ARHGAP26: variants seen among roughly 807,000 people sequenced by gnomAD.
ARHGAP26 encodes rho GTPase-activating protein 26.
ARHGAP26 carries 38 observed loss-of-function variants against 104.8 expected under a neutral mutation model. The ratio of observed to expected loss-of-function variants is 0.36; its 90% confidence interval spans 0.28 to 0.48. ARHGAP26 has a LOEUF of 0.48. ARHGAP26 is among the 20% of genes least tolerant of loss of function. The probability of loss-of-function intolerance (pLI) is 0.99; values close to 1 mark genes in which losing one functional copy is unlikely to be tolerated. For missense variants in ARHGAP26, 704 were observed against 947.9 expected (o/e 0.74, Z 3.38); for synonymous variants, 341 against 340.0 (o/e 1.00, Z -0.03).
intron 11 of ARHGAP26, among the ~76,000 whole-genome samples, chr5:142,978,883 C>G (rs1773518930): frequency 6.6e-6 from 1 of 151,828 alleles, no homozygotes; most frequent in South Asian, 2.1e-4. Context: ...GACACTTTAC[C>G]ACATTTATTT....
intron 1 of ARHGAP26, among the ~76,000 whole-genome samples, chr5:142,787,570 A>G (rs777915461): frequency 6.6e-6 from 1 of 152,218 alleles, no homozygotes. Context: ...CCCACAGCTG[A>G]CAAAGCCACT....
chr5:143,133,466 T>C (rs1378164349), intron 18 of ARHGAP26, among the ~76,000 whole-genome samples: 2 of 152,180 alleles, frequency 1.3e-5, no homozygotes, highest in East Asian at 1.9e-4. Flanking sequence ...TTGATGAGGA[T>C]TGGGAAATGG....
At chr5:142,789,945 A>T (rs924578535) in intron 1 of ARHGAP26, among the ~76,000 whole-genome samples, 11 of 152,242 alleles carry the variant, frequency 7.2e-5, no homozygotes, top group Non-Finnish European at 1.5e-4. Context: ...CGATTGCCCT[A>T]GAAAGGAATC....
At position 142,816,090 on chromosome 5, in the gene ARHGAP26, G is replaced by A. The variant is rs1467976329; in HGVS notation, c.154+45175G>A. On this transcript the variant is annotated intron_variant, in intron 1 of 22. Coordinates refer to ENST00000645722, the MANE Select transcript of ARHGAP26 (RefSeq NM_001135608.3). ...TGGGATTACAGGTGTGAACCATGGT[G>A]TCCAGCCCCTCTGTGCTTCTGTAGG... Among the ~76,000 whole-genome samples, 3 of 152,178 alleles carry A rather than the reference G, an allele frequency of 2.0e-5. No homozygotes were observed. In the East Asian group the frequency reaches 5.8e-4, roughly 29 times the overall value.
At position 142,871,684 on chromosome 5, in the gene ARHGAP26, T is replaced by C. The variant is rs1755329807; in HGVS notation, c.155-1716T>C. The stretch of plus-strand genomic sequence containing the variant: ...CCTCCTGCCTTCCTGCCCACGGTGT[T>C]CTGGCTTTTGGGTGCATCTGTTTCC... On this transcript the variant is annotated intron_variant, in intron 1 of 22. Transcript: ENST00000645722. The surrounding 1 kb of genome is among the most constrained non-coding windows in gnomAD (Gnocchi z 4.1). 6.6e-6 allele frequency among the ~76,000 whole-genome samples: 1 copy of C among 152,206 alleles called. No homozygotes were observed. The highest frequency in any genetic ancestry group is 2.4e-5 in the African/African-American group (1 of 41,452).
chr5:143,000,973 A>G (rs2152783748), intron 11 of ARHGAP26, among the ~76,000 whole-genome samples: 1 of 152,258 alleles, frequency 6.6e-6, no homozygotes, highest in South Asian at 2.1e-4. Context: ...GCAGCAAACT[A>G]ACATGGCACA....
intron 17 of ARHGAP26, among the ~76,000 whole-genome samples, chr5:143,090,009 G>A (rs1791176896): frequency 6.6e-6 from 1 of 152,244 alleles, no homozygotes; most frequent in African/African-American, 2.4e-5. Context: ...TCCGTTTGGG[G>A]ATGAACAAGG....
intron 1 of ARHGAP26, among the ~76,000 whole-genome samples, chr5:142,823,598 A>G (rs575796869): frequency 7.7e-4 from 118 of 152,282 alleles, no homozygotes; most frequent in African/African-American, 2.7e-3. Flanking sequence ...ACTGATCATA[A>G]GCAAGTACTA....
intron 1 of ARHGAP26, among the ~76,000 whole-genome samples, chr5:142,820,514 G>GT (rs1765950606): frequency 6.6e-6 from 1 of 152,132 alleles, no homozygotes; most frequent in African/African-American, 2.4e-5. Context: ...GCTGAAGGCG[G>GT]TAGAATAACT....
At position 142,846,292 on chromosome 5, in the gene ARHGAP26, A is replaced by G. The variant is rs369267236; in HGVS notation, c.155-27108A>G. 1.3e-4 allele frequency among the ~76,000 whole-genome samples: 20 copies of G among 152,198 alleles called. 1 individual carries two copies. In the South Asian group the frequency reaches 3.9e-3, roughly 30 times the overall value. On this transcript the variant is annotated intron_variant, in intron 1 of 22. Coordinates refer to ENST00000645722, the MANE Select transcript of ARHGAP26 (RefSeq NM_001135608.3). ...TCCAAGGTCACATGGCTGGAGTTGT[A>G]TCCAAGCTCAGAGGGGTGCCGAGGT...
At chr5:142,786,102 C>G (rs1048131395) in intron 1 of ARHGAP26, among the ~76,000 whole-genome samples, 1 of 151,914 alleles carries the variant, frequency 6.6e-6, no homozygotes, top group Non-Finnish European at 1.5e-5. Flanking sequence ...TCCCAAGTAG[C>G]CAGAACTACT....
intron 1 of ARHGAP26, among the ~76,000 whole-genome samples, chr5:142,829,175 A>G (rs1767901173): frequency 6.6e-6 from 1 of 152,244 alleles, no homozygotes; most frequent in Admixed American, 6.5e-5. Context: ...TGAGGTTGAC[A>G]CTTGGTAAAG....
At chr5:142,977,482 A>T (rs1428288730) in intron 11 of ARHGAP26, among the ~76,000 whole-genome samples, 1 of 151,950 alleles carries the variant, frequency 6.6e-6, no homozygotes, top group African/African-American at 2.4e-5. Flanking sequence ...AAGCACGTAG[A>T]TGGTTGTTGA....
chr5:143,025,367 T>C (rs1488207468), intron 12 of ARHGAP26, among the ~76,000 whole-genome samples: 1 of 152,198 alleles, frequency 6.6e-6, no homozygotes, highest in Non-Finnish European at 1.5e-5. Context: ...CAAATTGTTC[T>C]TAAAGCATTT....
chr5:143,156,064 T>C (rs1292947241), intron 20 of ARHGAP26, among the ~76,000 whole-genome samples: 1 of 152,258 alleles, frequency 6.6e-6, no homozygotes, highest in East Asian at 1.9e-4. Context: ...AACATTGTTA[T>C]GCCTGTGAGG....
chr5:142,857,182 A>G (rs935595165), intron 1 of ARHGAP26, among the ~76,000 whole-genome samples: 2 of 152,188 alleles, frequency 1.3e-5, no homozygotes, highest in African/African-American at 2.4e-5. Flanking sequence ...TCCTAGTCCT[A>G]TATGACCTCA....
intron 1 of ARHGAP26, among the ~76,000 whole-genome samples, chr5:142,790,308 AC>A (rs965908392): frequency 1.3e-5 from 2 of 152,154 alleles, no homozygotes; most frequent in African/African-American, 4.8e-5. Context: ...ATAGTTGGTG[AC>A]CACAGTGTTG....
At chr5:143,069,741 A>T (rs1787983551) in intron 17 of ARHGAP26, among the ~76,000 whole-genome samples, 2 of 152,328 alleles carry the variant, frequency 1.3e-5, no homozygotes, top group African/African-American at 4.8e-5. Flanking sequence ...TTATATTAGA[A>T]GTTTCAGGTC....
chr5:143,162,536 C>T (rs1202287910), intron 20 of ARHGAP26, among the ~76,000 whole-genome samples: 7 of 152,198 alleles, frequency 4.6e-5, no homozygotes, highest in Non-Finnish European at 7.3e-5. Flanking sequence ...CCAAGGTAAT[C>T]ATCCCAGACA....
Sources: gnomAD v4.1 joint callset for allele counts (sites outside exome capture counted in the v4.1 genomes callset) on GRCh38, gnomAD v4.1.1 for gene constraint, Gnocchi (gnomAD v3.1) non-coding constraint, MANE v1.5 for transcripts, NCBI Gene and HGNC (gene_info 2026-07-23, HGNC 2026-07-21) for gene names.